GALNT11: variants seen among roughly 807,000 people sequenced by gnomAD.
GALNT11 encodes UDP-GalNAc:polypeptide N-acetylgalactosaminyltransferase 11.
A neutral mutation model predicts 72.7 loss-of-function variants in GALNT11; 47 were observed. The observed-to-expected ratio is 0.65, with a 90% CI of 0.51 to 0.82. The LOEUF is 0.82. GALNT11 is among the 40% of genes least tolerant of loss of function. The pLI is 0.00. For missense variants in GALNT11, 677 were observed against 778.4 expected (o/e 0.87, Z 1.55); for synonymous variants, 270 against 286.6 (o/e 0.94, Z 0.58).
intron 1 of GALNT11, among the ~76,000 whole-genome samples, chr7:152,041,604 T>A (rs1051942685): frequency 1.4e-4 from 22 of 152,082 alleles, no homozygotes; most frequent in Non-Finnish European, 8.8e-5. Flanking sequence ...AAATCTAGAG[T>A]CTTCTCTGGA....
At chr7:152,118,560 G>A (rs943548931) in intron 9 of GALNT11, 118 bp from the exon 10 acceptor site, 7 of 772,984 alleles carry the variant, frequency 9.1e-6, no homozygotes, top group Non-Finnish European at 1.2e-5. Flanking sequence ...ATATTTTTAT[G>A]AGCCTTGGAA....
chr7:152,108,589 T>G (rs1265876986), intron 6 of GALNT11, among the ~76,000 whole-genome samples: 2 of 152,224 alleles, frequency 1.3e-5, no homozygotes, highest in Non-Finnish European at 1.5e-5. Context: ...CTGTTTGGTA[T>G]GTCAAACACT....
At chr7:152,040,303 C>T (rs151013811) in intron 1 of GALNT11, among the ~76,000 whole-genome samples, 115 of 152,160 alleles carry the variant, frequency 7.6e-4, no homozygotes, top group African/African-American at 2.7e-3. Context: ...AACGAGGGAA[C>T]ATGTGTGACA....
chr7:152,121,641 T>C lies in GALNT11; in HGVS notation c.1791T>C (p.Asp597=), dbSNP rs750966348. The change falls in exon 12 of 12, where the codon GAT becomes GAC. Residue 597 remains aspartate, a synonymous_variant. Coordinates refer to ENST00000430044, the MANE Select transcript of GALNT11 (RefSeq NM_022087.4). ...QKGSVAMAIC[D]GSSSQQWHLE... is the part of the protein sequence containing the mutation. ...GCTCTGTCGCCATGGCGATCTGCGA[T>C]GGCTCCTCTTCACAGCAGTGGCATT... 4.3e-6 allele frequency: 7 copies of C among 1,614,252 alleles called. No homozygotes were observed. The highest frequency in any genetic ancestry group is 3.3e-5 in the Admixed American group (2 of 60,028).
chr7:152,040,778 G>A (rs2082820523), intron 1 of GALNT11, among the ~76,000 whole-genome samples: 2 of 152,162 alleles, frequency 1.3e-5, no homozygotes, highest in Non-Finnish European at 2.9e-5. Flanking sequence ...ACAGCTACGA[G>A]CTCTGCTTTT....
intron 3 of GALNT11, among the ~76,000 whole-genome samples, chr7:152,101,483 G>C (rs982174966): frequency 6.6e-6 from 1 of 152,132 alleles, no homozygotes; most frequent in African/African-American, 2.4e-5. Flanking sequence ...AGTAAGGGCT[G>C]TGACAGGGTT....
chr7:152,090,635 C>G (rs2085950261), intron 1 of GALNT11, among the ~76,000 whole-genome samples: 1 of 151,202 alleles, frequency 6.6e-6, no homozygotes, highest in Non-Finnish European at 1.5e-5. Flanking sequence ...AGCCTTTGCT[C>G]TTATTCCCCC....
chr7:152,069,622 A>G (rs1401851641), intron 1 of GALNT11, among the ~76,000 whole-genome samples: 1 of 152,206 alleles, frequency 6.6e-6, no homozygotes, highest in Non-Finnish European at 1.5e-5. Flanking sequence ...CAAGACTGTT[A>G]CGTCTTCTTG....
intron 9 of GALNT11, 69 bp downstream of exon 9, chr7:152,117,444 A>G: frequency 7.0e-7 from 1 of 1,433,706 alleles, no homozygotes; most frequent in Non-Finnish European, 9.8e-7. Flanking sequence ...AGGTGTCCAT[A>G]AGCTATGACA....
At chr7:152,075,857 C>T (rs1319494405) in intron 1 of GALNT11, among the ~76,000 whole-genome samples, 1 of 150,260 alleles carries the variant, frequency 6.7e-6, no homozygotes, top group Non-Finnish European at 1.5e-5. Flanking sequence ...GTCAGGAGAT[C>T]GAGACCATCC....
chr7:152,065,887 C>G (rs1280814453), intron 1 of GALNT11, among the ~76,000 whole-genome samples: 10 of 152,192 alleles, frequency 6.6e-5, no homozygotes, highest in Admixed American at 5.9e-4. Context: ...ACTTGGGGGT[C>G]AGGGACTCAC....
At position 152,035,497 on chromosome 7, in the gene GALNT11, C is replaced by G. The variant is rs1004535780; in HGVS notation, c.-39+9613C>G. Reference sequence around the variant, plus strand: ...ACTTCGAGAGTTCTGCTCATGGCCACAGGGTCAACCAACTTGTTGTCAGGA... The same window carrying G: ...ACTTCGAGAGTTCTGCTCATGGCCAGAGGGTCAACCAACTTGTTGTCAGGA... On this transcript the variant is annotated intron_variant, in intron 1 of 11. Transcript: ENST00000430044. Among the ~76,000 whole-genome samples the G allele has an allele frequency of 2.0e-5, 3 of 152,166 alleles. No individual in the cohort carries two copies. The South Asian group carries it at 6.2e-4, about 32-fold the overall frequency.
chr7:152,043,675 C>T (rs914299060), intron 1 of GALNT11, among the ~76,000 whole-genome samples: 4 of 152,130 alleles, frequency 2.6e-5, no homozygotes, highest in African/African-American at 7.2e-5. Flanking sequence ...AACTACTTTT[C>T]GCCCAGTGTC....
chr7:152,066,153 C>T (rs1360079076), intron 1 of GALNT11, among the ~76,000 whole-genome samples: 2 of 152,232 alleles, frequency 1.3e-5, no homozygotes, highest in African/African-American at 2.4e-5. Context: ...ACCCCTCCCC[C>T]AGCCTCGCTG....
chr7:152,063,210 A>G (rs1481373057), intron 1 of GALNT11, among the ~76,000 whole-genome samples: 1 of 152,230 alleles, frequency 6.6e-6, no homozygotes, highest in Non-Finnish European at 1.5e-5. Context: ...GTATGTGTCC[A>G]GGAATTTATC....
At chr7:152,052,160 C>G (rs1387175390) in intron 1 of GALNT11, among the ~76,000 whole-genome samples, 2 of 152,140 alleles carry the variant, frequency 1.3e-5, no homozygotes, top group Admixed American at 6.5e-5. Flanking sequence ...TTTCAAGATT[C>G]ATCCATGCTG....
At chr7:152,055,701 T>C (rs994911930) in intron 1 of GALNT11, among the ~76,000 whole-genome samples, 4 of 152,066 alleles carry the variant, frequency 2.6e-5, no homozygotes, top group Non-Finnish European at 5.9e-5. Flanking sequence ...ATAAAGTATA[T>C]AAACTCAATA....
At chr7:152,085,047 G>A (rs557862781) in intron 1 of GALNT11, among the ~76,000 whole-genome samples, 26 of 152,252 alleles carry the variant, frequency 1.7e-4, no homozygotes, top group African/African-American at 5.8e-4. Context: ...GGCCACACCA[G>A]GTCCTCTAAT....
chr7:152,117,112 T>A lies in GALNT11; in HGVS notation c.1234-45T>A, dbSNP rs371817961. 5.6e-5 allele frequency: 85 copies of A among 1,529,268 alleles called. No homozygotes were observed. The African/African-American group carries it at 1.0e-3, about 18-fold the overall frequency. The allele number at this position is 1,529,268 out of a possible 1,614,324, so 94.7% of individuals were successfully genotyped here. On this transcript the variant is annotated intron_variant, in intron 8 of 11. Coordinates refer to ENST00000430044, the MANE Select transcript of GALNT11 (RefSeq NM_022087.4). ...CTCTATATAGTTGTATCATCATTTTTAACAAAAAATTCGATTTTCTTATTT... is the reference window on the plus strand; with the variant it reads ...CTCTATATAGTTGTATCATCATTTTAAACAAAAAATTCGATTTTCTTATTT...
Sources: allele counts gnomAD v4.1 joint callset (sites outside exome capture counted in the v4.1 genomes callset), GRCh38; gene constraint gnomAD v4.1.1; transcripts MANE v1.5; gene names NCBI Gene and HGNC (gene_info 2026-07-23, HGNC 2026-07-21).